Variants in ZNF862 observed in about 807,000 individuals in gnomAD.
ZNF862 encodes zinc finger protein 862.
Under a neutral mutation model 91.1 loss-of-function variants are expected in ZNF862, and 64 were observed. That is an observed-to-expected ratio of 0.70 (90% confidence interval 0.57 to 0.87). The LOEUF (loss-of-function observed/expected upper bound fraction) is 0.87, where lower values mean the gene tolerates loss of function less well. ZNF862 is among the 40% of genes least tolerant of loss of function. The pLI is 0.00. For missense variants in ZNF862, 1,459 were observed against 1,528.0 expected, an observed-to-expected ratio of 0.95 and a Z score of 0.75; for synonymous variants, 631 against 618.1, an observed-to-expected ratio of 1.02 and a Z score of -0.31.
At chr7:149,848,980 CG>C (rs1801971563) in intron 4 of ZNF862, among the ~76,000 whole-genome samples, 1 of 151,942 alleles carries the variant, frequency 6.6e-6, no homozygotes, top group Non-Finnish European at 1.5e-5. Flanking sequence ...TTTTATTTTT[CG>C]TAGAGATGGG....
rs1326699873 is a variant in ZNF862, at chr7:149,861,306, A to G, written c.2146A>G (p.Ile716Val). 9.3e-6 allele frequency: 15 copies of G among 1,612,760 alleles called. No homozygotes were observed. Among genetic ancestry groups the G allele is most frequent in the African/African-American group, 1.3e-5 (1 of 74,940 alleles). Residue 716 changes from isoleucine (I) to valine (V), a missense_variant, in exon 7 of 8, where the codon ATC (isoleucine) becomes GTC (valine). Ile to Val is a conservative substitution (Grantham distance 29, BLOSUM62 3). Transcript: ENST00000223210. This position sits in a 1 kb window ranked among gnomAD's most constrained non-coding sequence, Gnocchi z 6.7. ...CCTTGTGGAAAAGTTCCAGGAGGTCATCCCGCAGCTGCTGCCTGTCCACTG... is the reference window on the plus strand; with the variant it reads ...CCTTGTGGAAAAGTTCCAGGAGGTCGTCCCGCAGCTGCTGCCTGTCCACTG... ...GGLVEKFQEV[I>V]PQLLPVHCVA... is the part of the protein sequence containing the mutation.
rs140765339 is a variant in ZNF862 at position 149,860,732 on chromosome 7, G to A, written c.1572G>A (p.Ala524=). Residue 524 remains alanine (A), a synonymous_variant, in exon 7 of 8, where the codon GCG becomes GCA. Transcript: ENST00000223210. ...TAAAATACCATGAAGTCAGCAAAGCGCACAGGCTCTGTGTCAACACGGTTG... is the reference window on the plus strand; with the variant it reads ...TAAAATACCATGAAGTCAGCAAAGCACACAGGCTCTGTGTCAACACGGTTG... ...ETLKYHEVSK[A]HRLCVNTVEI... is the part of the protein sequence containing the mutation. The A allele has an allele frequency of 2.1e-4, 333 of 1,613,822 alleles. 1 individual carries two copies. The African/African-American group carries it at 3.3e-3, about 16-fold the overall frequency.
In ZNF862 at chr7:149,850,119, G is replaced by GCTC; in HGVS notation, c.940-41_940-39dup. Reference sequence around the variant, plus strand: ...CCCAGAAGTGTCACGTGGGAGTCTGGCTCGGCAGGCGGTGCTGAGTGGCCG... The same window carrying GCTC: ...CCCAGAAGTGTCACGTGGGAGTCTGGCTCCTCGGCAGGCGGTGCTGAGTGGCCG... On this transcript the variant is annotated intron_variant, in intron 4 of 7. Transcript: ENST00000223210. This position sits in a 1 kb window ranked among gnomAD's most constrained non-coding sequence, Gnocchi z 4.2. 6.5e-7 allele frequency: 1 copy of GCTC among 1,549,660 alleles called. No homozygotes were observed. Among genetic ancestry groups the GCTC allele is most frequent in the Non-Finnish European group, 8.7e-7 (1 of 1,146,706 alleles).
chr7:149,860,931 G>A lies in ZNF862; in HGVS notation c.1771G>A (p.Gly591Ser). Residue 591 changes from glycine (G) to serine (S), a missense_variant, in exon 7 of 8, where the codon GGC (glycine) becomes AGC (serine). Gly to Ser is a moderately conservative substitution (Grantham distance 56, BLOSUM62 0). Coordinates refer to ENST00000223210, the MANE Select transcript of ZNF862 (RefSeq NM_001099220.3). ...LLQSTGTVIL[G>S]KYRNRTACTQ... is the part of the protein sequence containing the mutation. ...CCAAAGCACGGGGACCGTGATATTA[G>A]GCAAGTACCGCAATCGCACGGCGTG... 1.9e-6 allele frequency: 3 copies of A among 1,613,806 alleles called. No homozygotes were observed. Among genetic ancestry groups the A allele is most frequent in the Non-Finnish European group, 2.5e-6 (3 of 1,179,856 alleles).
rs1473722285 is a variant in ZNF862, at chr7:149,860,417, C to G, written c.1257C>G (p.Asp419Glu). 1.2e-6 allele frequency: 2 copies of G among 1,612,924 alleles called. No homozygotes were observed. The highest frequency in any genetic ancestry group is 1.7e-6 in the Non-Finnish European group (2 of 1,179,424). ...NKKMVAVREADTQASAADSAL... is the reference protein window; with the variant it reads ...NKKMVAVREAETQASAADSAL... Reference sequence around the variant, plus strand: ...AGATGGTGGCAGTGAGAGAGGCAGACACACAGGCCTCGGCTGCAGACTCCG... The same window carrying G: ...AGATGGTGGCAGTGAGAGAGGCAGAGACACAGGCCTCGGCTGCAGACTCCG... Residue 419 changes from aspartate to glutamate, a missense_variant, in exon 7 of 8, where the codon GAC becomes GAG. Coordinates refer to ENST00000223210, the MANE Select transcript of ZNF862 (RefSeq NM_001099220.3).
At chr7:149,844,040 C>T (rs568845303) in intron 1 of ZNF862, among the ~76,000 whole-genome samples, 6 of 151,996 alleles carry the variant, frequency 3.9e-5, no homozygotes, top group African/African-American at 7.3e-5. Context: ...TTTAAATTCA[C>T]GGGGAATAAA....
rs372859612 is a variant in ZNF862, at chr7:149,865,198, A to C, written c.*914A>C. 6.6e-6 allele frequency: 1 copy of C among 152,182 alleles called. No homozygotes were observed. The highest frequency in any genetic ancestry group is 2.4e-5 in the African/African-American group (1 of 41,424). 9.4% of individuals were successfully genotyped at this position (152,182 alleles called of 1,614,324 possible). ...TGAATGAGAGCCTCGAGCTCCCTCA[A>C]AGACCTCTGGCTGCAGTGTGGACTT... On this transcript the variant is annotated 3_prime_UTR_variant, in exon 8 of 8. Transcript: ENST00000223210.
At chr7:149,859,572 A>G in intron 6 of ZNF862, 46 bp downstream of exon 6, 1 of 1,471,596 alleles carries the variant, frequency 6.8e-7, no homozygotes, top group Non-Finnish European at 9.2e-7. Flanking sequence ...GCCAGGGCCC[A>G]GGCGGCTATG....
Position 149,850,595 on chromosome 7 carries a change from C to T in ZNF862, c.1117+257C>T. On this transcript the variant is annotated intron_variant, in intron 5 of 7. Transcript: ENST00000223210. The surrounding 1 kb of genome is among the most constrained non-coding windows in gnomAD (Gnocchi z 4.2). ...CCTACTATGTGCCAGATGAACACAG[C>T]TGATCCATGGTCTCTGCTTTCAAGG... 1 of 437,808 alleles carries T rather than the reference C, an allele frequency of 2.3e-6. No individual in the cohort carries two copies. The highest frequency in any genetic ancestry group is 3.3e-5 in the South Asian group (1 of 30,250). The allele number at this position is 437,808 out of a possible 1,614,324, so 27.1% of individuals were successfully genotyped here.
In ZNF862 at chr7:149,860,560, G is replaced by A. The variant is rs1802431342; in HGVS notation, c.1400G>A (p.Arg467Lys). Residue 467 changes from arginine to lysine, a missense_variant, in exon 7 of 8, where the codon AGG becomes AAG. By Grantham distance (26) the Arg-to-Lys change is conservative. Coordinates refer to ENST00000223210, the MANE Select transcript of ZNF862 (RefSeq NM_001099220.3). Reference protein sequence around the residue: ...KRTYRPRSIQRSWFGQFPWLV... With the variant: ...KRTYRPRSIQKSWFGQFPWLV... ...ACATACAGGCCCCGTTCCATTCAGA[G>A]GTCATGGTTTGGGCAGTTCCCATGG... 2 of 1,613,898 alleles carry A rather than the reference G, an allele frequency of 1.2e-6. No homozygotes were observed. The highest frequency in any genetic ancestry group is 2.7e-5 in the African/African-American group (2 of 74,914).
chr7:149,841,246 G>A (rs1461524503), intron 1 of ZNF862: 13 of 985,280 alleles, frequency 1.3e-5, no homozygotes, highest in Non-Finnish European at 1.6e-5. Context: ...GTGAGATAGT[G>A]GTTTGGTCTA....
rs528217132 is a variant in ZNF862 at position 149,866,823 on chromosome 7, C to G, written c.*2539C>G. 1 of 152,394 alleles carries G rather than the reference C, an allele frequency of 6.6e-6. No homozygotes were observed. The highest frequency in any genetic ancestry group is 1.5e-5 in the Non-Finnish European group (1 of 68,080). The allele number at this position is 152,394 out of a possible 1,614,324, so 9.4% of individuals were successfully genotyped here. A position where few individuals can be genotyped will look rare whatever the true frequency, so the allele number is the denominator to read the frequency against. On this transcript the variant is annotated 3_prime_UTR_variant, in exon 8 of 8. Coordinates refer to ENST00000223210, the MANE Select transcript of ZNF862 (RefSeq NM_001099220.3). ...CTCATTCAGGACCCCCGTGGAAACACAGTGAGCATCCTTATCAGAGGCCCT... is the reference window on the plus strand; with the variant it reads ...CTCATTCAGGACCCCCGTGGAAACAGAGTGAGCATCCTTATCAGAGGCCCT...
At chr7:149,856,642 G>A (rs908500576) in intron 5 of ZNF862, among the ~76,000 whole-genome samples, 4 of 151,976 alleles carry the variant, frequency 2.6e-5, no homozygotes, top group South Asian at 2.1e-4. Flanking sequence ...TCTTTCTCTG[G>A]AGACTTCGCT....
chr7:149,850,362 T>A lies in ZNF862; in HGVS notation c.1117+24T>A. ...GGGTAAAGACGCACCGAGCCTCTTATTCACCACCCTCCTTTGACTTGGGAA... is the reference window on the plus strand; with the variant it reads ...GGGTAAAGACGCACCGAGCCTCTTAATCACCACCCTCCTTTGACTTGGGAA... On this transcript the variant is annotated intron_variant, in intron 5 of 7. Coordinates refer to ENST00000223210, the MANE Select transcript of ZNF862 (RefSeq NM_001099220.3). The surrounding 1 kb of genome is among the most constrained non-coding windows in gnomAD (Gnocchi z 4.2). The A allele has an allele frequency of 6.3e-7, 1 of 1,594,172 alleles. No homozygotes were observed. Among genetic ancestry groups the A allele is most frequent in the Non-Finnish European group, 8.6e-7 (1 of 1,168,586 alleles).
At chr7:149,846,580 A>G (rs1158478698) in intron 3 of ZNF862, among the ~76,000 whole-genome samples, 1 of 147,588 alleles carries the variant, frequency 6.8e-6, no homozygotes, top group Non-Finnish European at 1.5e-5. Flanking sequence ...GCTGTTGCAC[A>G]GTAGATAATC....
chr7:149,860,574 C>T lies in ZNF862; in HGVS notation c.1414C>T (p.Gln472Ter), dbSNP rs777104597. Residue 472 changes from glutamine (Q) to a stop codon, truncating the protein, a stop_gained, in exon 7 of 8, where the codon CAG (glutamine) becomes TAG (stop). Coordinates refer to ENST00000223210, the MANE Select transcript of ZNF862 (RefSeq NM_001099220.3). LOFTEE classifies it high-confidence loss of function. ...PRSIQRSWFG[Q>*]FPWLVIDPKE... is the part of the protein sequence containing the mutation. ...TTCCATTCAGAGGTCATGGTTTGGG[C>T]AGTTCCCATGGTTAGTAATTGACCC... 3 of 1,614,000 alleles carry T rather than the reference C, an allele frequency of 1.9e-6. No homozygotes were observed. Among genetic ancestry groups the T allele is most frequent in the Non-Finnish European group, 2.5e-6 (3 of 1,179,886 alleles).
At chr7:149,847,503 G>A (rs979114700) in intron 3 of ZNF862, among the ~76,000 whole-genome samples, 3 of 152,116 alleles carry the variant, frequency 2.0e-5, no homozygotes, top group Non-Finnish European at 2.9e-5. Flanking sequence ...AAAGGAGGGG[G>A]AGGGTTCCGT....
In ZNF862 at chr7:149,850,052, C is replaced by T; in HGVS notation, c.940-109C>T. The T allele has an allele frequency of 8.8e-7, 1 of 1,136,466 alleles. No individual in the cohort carries two copies. Among genetic ancestry groups the T allele is most frequent in the Non-Finnish European group, 1.3e-6 (1 of 781,862 alleles). 70.4% of individuals were successfully genotyped at this position (1,136,466 alleles called of 1,614,324 possible). A position where few individuals can be genotyped will look rare whatever the true frequency, so the allele number is the denominator to read the frequency against. ...ATTAATTCCTCTGAGTGCATCTGGG[C>T]CTCTTGGTGAGCTTCCCAGGAGAAA... On this transcript the variant is annotated intron_variant, in intron 4 of 7. Transcript: ENST00000223210. The surrounding 1 kb of genome is among the most constrained non-coding windows in gnomAD (Gnocchi z 4.2).
chr7:149,863,467 C>T (rs1004912624), intron 7 of ZNF862, among the ~76,000 whole-genome samples: 2 of 152,156 alleles, frequency 1.3e-5, no homozygotes, highest in African/African-American at 4.8e-5. Flanking sequence ...CTGTAGGAAG[C>T]AAGGTGGCCC....
Sources: gnomAD v4.1 joint callset for allele counts (sites outside exome capture counted in the v4.1 genomes callset) on GRCh38, gnomAD v4.1.1 for gene constraint, Gnocchi (gnomAD v3.1) non-coding constraint, MANE v1.5 for transcripts, NCBI Gene and HGNC (gene_info 2026-07-23, HGNC 2026-07-21) for gene names.